The following FAM227B variants were observed in gnomAD, a reference collection of about 807,000 sequenced individuals.
The protein encoded by FAM227B is family with sequence similarity 227 member B, also known as protein FAM227B.
A neutral mutation model predicts 73.8 loss-of-function variants in FAM227B; 88 were observed. That is an observed-to-expected ratio of 1.19 (90% CI 1.00 to 1.42). The LOEUF is 1.42. Among genes scored for constraint, FAM227B ranks in the 40% most tolerant of loss-of-function variants. FAM227B has a pLI of 0.00. For synonymous variants in FAM227B, 210 were observed against 190.5 expected, an observed-to-expected ratio of 1.10 and a Z score of -0.84; for missense variants, 632 against 590.9, an observed-to-expected ratio of 1.07 and a Z score of -0.72.
chr15:49,590,512 T>A (rs994291253), intron 3 of FAM227B, among the ~76,000 whole-genome samples: 1 of 152,230 alleles, frequency 6.6e-6, no homozygotes, highest in African/African-American at 2.4e-5. Flanking sequence ...TTAGAAGAGA[T>A]AATTTTAACT....
At chr15:49,472,444 AG>A (rs1426822427) in intron 11 of FAM227B, among the ~76,000 whole-genome samples, 3 of 152,240 alleles carry the variant, frequency 2.0e-5, no homozygotes, top group Non-Finnish European at 2.9e-5. Flanking sequence ...AAGTTGCCAT[AG>A]GACACTTCAG....
At chr15:49,452,839 T>C (rs2052894365) in intron 11 of FAM227B, among the ~76,000 whole-genome samples, 1 of 152,190 alleles carries the variant, frequency 6.6e-6, no homozygotes, top group South Asian at 2.1e-4. Flanking sequence ...CAGCAAACGT[T>C]AGCTGTTATA....
rs866157542 is a variant in FAM227B at position 49,489,843 on chromosome 15, A to G, written c.1012+18368T>C. Among the ~76,000 whole-genome samples, 3 of 14,470 alleles carry G rather than the reference A, an allele frequency of 2.1e-4. 1 individual carries two copies. The highest frequency in any genetic ancestry group is 4.4e-3 in the East Asian group (1 of 228). The allele number at this position is 14,470 out of a possible 152,430, so 9.5% of individuals were successfully genotyped here. A position where few individuals can be genotyped will look rare whatever the true frequency, so the allele number is the denominator to read the frequency against. On this transcript the variant is annotated intron_variant, in intron 11 of 15. Coordinates refer to ENST00000299338, the MANE Select transcript of FAM227B (RefSeq NM_152647.3). ...TATTTTATATATATATATATATTTT[A>G]TATATATATATATATTTTATATATA... is the stretch of plus-strand genomic sequence containing the variant.
At chr15:49,592,429 A>T (rs1318522726) in intron 3 of FAM227B, among the ~76,000 whole-genome samples, 1 of 152,192 alleles carries the variant, frequency 6.6e-6, no homozygotes, top group Non-Finnish European at 1.5e-5. Flanking sequence ...AGGTCCCTCA[A>T]CTGCAGGTCT....
At chr15:49,471,239 A>G (rs1196350058) in intron 11 of FAM227B, among the ~76,000 whole-genome samples, 5 of 126,750 alleles carry the variant, frequency 3.9e-5, no homozygotes, top group Non-Finnish European at 8.5e-5. Context: ...TAATCCCAGC[A>G]CTTTGGGAGG....
chr15:49,449,591 T>G (rs910690549), intron 11 of FAM227B, among the ~76,000 whole-genome samples: 1 of 152,042 alleles, frequency 6.6e-6, no homozygotes, highest in Non-Finnish European at 1.5e-5. Context: ...ATACTTCTAT[T>G]AAGGCAGCCA....
chr15:49,539,126 G>T (rs931768216), intron 10 of FAM227B, among the ~76,000 whole-genome samples: 11 of 152,128 alleles, frequency 7.2e-5, no homozygotes, highest in Middle Eastern at 3.2e-3. Flanking sequence ...TGAAGGCATT[G>T]ACTAGGTGAG....
At chr15:49,475,034 A>T (rs2055132271) in intron 11 of FAM227B, among the ~76,000 whole-genome samples, 1 of 152,226 alleles carries the variant, frequency 6.6e-6, no homozygotes, top group East Asian at 1.9e-4. Context: ...AATGGTATGG[A>T]AAACATACTT....
At chr15:49,396,533 C>G (rs2047656242) in intron 11 of FAM227B, 1 of 160,818 alleles carries the variant, frequency 6.2e-6, no homozygotes, top group Non-Finnish European at 1.4e-5. Context: ...TAGGCTCCAC[C>G]TCTGGGGGCA....
chr15:49,480,694 G>C (rs1216267633), intron 11 of FAM227B, among the ~76,000 whole-genome samples: 2 of 152,170 alleles, frequency 1.3e-5, no homozygotes, highest in East Asian at 3.9e-4. Flanking sequence ...TGTTGGCCAG[G>C]TTAGTATTGA....
rs150947713 is a variant in FAM227B, at chr15:49,589,633, C to T, written c.337+143G>A. On this transcript the variant is annotated intron_variant, in intron 4 of 15. Coordinates refer to ENST00000299338, the MANE Select transcript of FAM227B (RefSeq NM_152647.3). ...TACTAACACAAAAAATAAGGACTGG[C>T]CAGGTGCACTGGCTTATGCCTGTAA... The T allele has an allele frequency of 1.5e-4, 94 of 609,458 alleles. No individual in the cohort carries two copies. The African/African-American group carries it at 1.7e-3, about 11-fold the overall frequency. 37.8% of individuals were successfully genotyped at this position (609,458 alleles called of 1,614,324 possible). A position where few individuals can be genotyped will look rare whatever the true frequency, so the allele number is the denominator to read the frequency against.
intron 11 of FAM227B, among the ~76,000 whole-genome samples, chr15:49,418,637 C>T (rs2049381015): frequency 6.6e-6 from 1 of 151,918 alleles, no homozygotes; most frequent in Non-Finnish European, 1.5e-5. Context: ...ATACTGGGGT[C>T]CACTTGAGGG....
chr15:49,367,682 TC>T, intron 12 of FAM227B, 74 bp from the exon 13 acceptor site: 2 of 1,326,142 alleles, frequency 1.5e-6, no homozygotes, highest in Non-Finnish European at 2.0e-6. Flanking sequence ...AAATATAACT[TC>T]ATATTTAGCA....
At chr15:49,497,705 T>A (rs2057749453) in intron 11 of FAM227B, among the ~76,000 whole-genome samples, 1 of 152,160 alleles carries the variant, frequency 6.6e-6, no homozygotes, top group Non-Finnish European at 1.5e-5. Flanking sequence ...AAAAAATACC[T>A]CTTTAGTGAT....
chr15:49,508,370 T>A, intron 10 of FAM227B, 22 bp from the exon 11 acceptor site: 1 of 1,533,580 alleles, frequency 6.5e-7, no homozygotes, highest in Non-Finnish European at 8.7e-7. Flanking sequence ...AAATACATAT[T>A]TAGCCAAATA....
At chr15:49,460,846 T>G (rs1192188728) in intron 11 of FAM227B, among the ~76,000 whole-genome samples, 1 of 152,160 alleles carries the variant, frequency 6.6e-6, no homozygotes, top group African/African-American at 2.4e-5. Flanking sequence ...AGAAGAACAT[T>G]GTTTGTTTGA....
At chr15:49,394,997 A>T (rs899248134) in intron 11 of FAM227B, among the ~76,000 whole-genome samples, 11 of 152,212 alleles carry the variant, frequency 7.2e-5, no homozygotes, top group Non-Finnish European at 1.3e-4. Flanking sequence ...AACTACTGTT[A>T]TTTAAGAGAG....
intron 6 of FAM227B, chr15:49,577,328 A>G (rs895777743): frequency 1.2e-5 from 4 of 341,208 alleles, no homozygotes; most frequent in Non-Finnish European, 2.2e-5. Flanking sequence ...AAAAACCTTC[A>G]TATTTTCTGC....
chr15:49,513,536 T>C (rs2059164168), intron 10 of FAM227B, among the ~76,000 whole-genome samples: 1 of 152,224 alleles, frequency 6.6e-6, no homozygotes, highest in Non-Finnish European at 1.5e-5. Flanking sequence ...AAAAATTTTC[T>C]CCCGTTCTGT....
Sources: gnomAD v4.1 joint callset for allele counts (sites outside exome capture counted in the v4.1 genomes callset) on GRCh38, gnomAD v4.1.1 for gene constraint, MANE v1.5 for transcripts, NCBI Gene and HGNC (gene_info 2026-07-23, HGNC 2026-07-21) for gene names.